The following CDH11 variants were observed in gnomAD, a reference collection of about 807,000 sequenced individuals.
CDH11 encodes cadherin-11.
A neutral mutation model predicts 67.8 loss-of-function variants in CDH11; 11 were observed. That is an observed-to-expected ratio of 0.16 (90% CI 0.10 to 0.27). CDH11 has a LOEUF of 0.27. Among genes scored for constraint, CDH11 ranks in the 10% least tolerant of loss-of-function variants. CDH11 has a pLI of 1.00. For missense variants in CDH11, 847 were observed against 1,031.2 expected (o/e 0.82, Z 2.45); for synonymous variants, 419 against 400.0 (o/e 1.05, Z -0.57).
intron 1 of CDH11, among the ~76,000 whole-genome samples, chr16:65,118,217 G>C (rs936775091): frequency 2.0e-5 from 3 of 152,130 alleles, no homozygotes; most frequent in Non-Finnish European, 4.4e-5. Context: ...TTCCAGAGTT[G>C]TACAAGGCTC....
At chr16:64,995,501 C>T (rs1305308710) in intron 4 of CDH11, among the ~76,000 whole-genome samples, 1 of 152,166 alleles carries the variant, frequency 6.6e-6, no homozygotes, top group African/African-American at 2.4e-5. Context: ...GAAAGTACTC[C>T]TTAATCAATA....
chr16:65,066,126 C>T (rs538539510), intron 1 of CDH11, among the ~76,000 whole-genome samples: 7 of 152,226 alleles, frequency 4.6e-5, no homozygotes, highest in Non-Finnish European at 1.0e-4. Flanking sequence ...CTTCTAGGAA[C>T]CCATTGCTTT....
intron 1 of CDH11, among the ~76,000 whole-genome samples, chr16:65,111,375 C>A (rs374011950): frequency 6.6e-6 from 1 of 152,172 alleles, no homozygotes; most frequent in South Asian, 2.1e-4. Flanking sequence ...GACATGGTCA[C>A]GCCTGGAAGC....
chr16:65,120,392 T>G (rs941310330), intron 1 of CDH11, among the ~76,000 whole-genome samples: 8 of 152,182 alleles, frequency 5.3e-5, no homozygotes, highest in African/African-American at 1.9e-4. Flanking sequence ...TGATCCGTCC[T>G]CTAGCCAGAT....
intron 2 of CDH11, among the ~76,000 whole-genome samples, chr16:65,047,004 G>A (rs2073972703): frequency 6.6e-6 from 1 of 152,044 alleles, no homozygotes; most frequent in South Asian, 2.1e-4. Flanking sequence ...AGTTACTCTG[G>A]GACTGAGGCT....
chr16:65,013,634 C>T (rs534041509), intron 2 of CDH11, among the ~76,000 whole-genome samples: 18 of 152,078 alleles, frequency 1.2e-4, no homozygotes, highest in Non-Finnish European at 1.3e-4. Flanking sequence ...ACCAGACTGG[C>T]CAACATGGTG....
At chr16:64,950,635 C>CCTCT in intron 12 of CDH11, 132 bp downstream of exon 12, 1 of 1,097,948 alleles carries the variant, frequency 9.1e-7, no homozygotes, top group South Asian at 1.7e-5. Context: ...CCGTACCCCA[C>CCTCT]TTCTTTTCTT....
rs2071199542 is a variant in CDH11, at chr16:64,946,465, A to G, written c.*1138T>C. On this transcript the variant is annotated 3_prime_UTR_variant, in exon 13 of 13. Coordinates refer to ENST00000268603, the MANE Select transcript of CDH11 (RefSeq NM_001797.4). Reference sequence around the variant, plus strand: ...AATTACTGATATACAAGATAAATGCATACTATATAACACATATTGCAAAGT... The same window carrying G: ...AATTACTGATATACAAGATAAATGCGTACTATATAACACATATTGCAAAGT... 2.9e-6 allele frequency: 3 copies of G among 1,032,320 alleles called. No homozygotes were observed. Among genetic ancestry groups the G allele is most frequent in the South Asian group, 4.6e-5 (1 of 21,678 alleles). The allele number at this position is 1,032,320 out of a possible 1,614,324, so 63.9% of individuals were successfully genotyped here.
chr16:64,947,895 T>G lies in CDH11; in HGVS notation c.2099A>C (p.Tyr700Ser). The G allele has an allele frequency of 6.2e-7, 1 of 1,614,214 alleles. No homozygotes were observed. Among genetic ancestry groups the G allele is most frequent in the Non-Finnish European group, 8.5e-7 (1 of 1,180,026 alleles). ...GAGCCCAGGTCTAGGCATGTACTGA[T>G]ACTCAGGTTTGATGTCTTTGCGGGG... ...FIPRKDIKPE[Y>S]QYMPRPGLRP... Residue 700 changes from tyrosine to serine, a missense_variant, in exon 13 of 13, where the codon TAT (tyrosine) becomes TCT (serine). Around this residue, in one of 2 missense-constraint regions of CDH11, gnomAD observed 612 missense variants for 678.7 expected, o/e 0.90. Transcript: ENST00000268603.
At chr16:65,021,876 G>GGAAA (rs1555520091) in intron 2 of CDH11, among the ~76,000 whole-genome samples, 12 of 109,860 alleles carry the variant, frequency 1.1e-4, no homozygotes, top group Non-Finnish European at 2.0e-4. Context: ...AAGTAACTCA[G>GGAAA]AAAAAAAAAA....
At position 65,073,489 on chromosome 16, in the gene CDH11, C is replaced by T. The variant is rs374385126; in HGVS notation, c.-297-19561G>A. ...TAGAGATGGGGTTTCACCATGTTGG[C>T]CAGGCTGGTTTCAAACTCCTGGCCT... On this transcript the variant is annotated intron_variant, in intron 1 of 12. Coordinates refer to ENST00000268603, the MANE Select transcript of CDH11 (RefSeq NM_001797.4). Among the ~76,000 whole-genome samples the T allele has an allele frequency of 2.0e-5, 3 of 152,174 alleles. No homozygotes were observed. In the East Asian group the frequency reaches 5.8e-4, roughly 29 times the overall value.
At chr16:65,079,790 A>G (rs2074578579) in intron 1 of CDH11, among the ~76,000 whole-genome samples, 1 of 152,142 alleles carries the variant, frequency 6.6e-6, no homozygotes, top group Non-Finnish European at 1.5e-5. Flanking sequence ...TTCTTGTCTA[A>G]CCGGGCAAAT....
At chr16:64,950,592 C>T (rs1205694603) in intron 12 of CDH11, among the ~76,000 whole-genome samples, 175 bp downstream of exon 12, 1 of 151,974 alleles carries the variant, frequency 6.6e-6, no homozygotes. Context: ...GGCAGACATC[C>T]CCCACCTCGC....
intron 1 of CDH11, among the ~76,000 whole-genome samples, chr16:65,104,831 T>C (rs1183618932): frequency 1.3e-5 from 2 of 152,182 alleles, no homozygotes; most frequent in African/African-American, 4.8e-5. Context: ...CATTTGTTCA[T>C]TCAAAAGAAA....
At chr16:65,084,628 C>A (rs2074666366) in intron 1 of CDH11, among the ~76,000 whole-genome samples, 1 of 152,126 alleles carries the variant, frequency 6.6e-6, no homozygotes. Flanking sequence ...TTTGGGGAAG[C>A]ATCCTGAGTA....
chr16:65,031,368 A>T (rs966768078), intron 2 of CDH11, among the ~76,000 whole-genome samples: 13 of 152,208 alleles, frequency 8.5e-5, no homozygotes, highest in African/African-American at 2.7e-4. Flanking sequence ...CAGAAAATAG[A>T]TGAACGTAAA....
At chr16:64,959,278 G>T (rs1325671974) in intron 11 of CDH11, among the ~76,000 whole-genome samples, 3 of 152,184 alleles carry the variant, frequency 2.0e-5, no homozygotes, top group African/African-American at 4.8e-5. Flanking sequence ...AGCATTAAGA[G>T]ACTTTTCATT....
At chr16:65,061,589 G>T (rs1383781879) in intron 1 of CDH11, among the ~76,000 whole-genome samples, 2 of 152,068 alleles carry the variant, frequency 1.3e-5, no homozygotes, top group Non-Finnish European at 2.9e-5. Flanking sequence ...TTTCTGACTG[G>T]CATTAAATGC....
At chr16:64,973,080 C>A in intron 8 of CDH11, 40 bp from the exon 9 acceptor site, 1 of 1,594,498 alleles carries the variant, frequency 6.3e-7, no homozygotes, top group South Asian at 1.1e-5. Context: ...CCAAGACATT[C>A]AGAGCAGCTT....
Sources: allele counts gnomAD v4.1 joint callset (sites outside exome capture counted in the v4.1 genomes callset), GRCh38; gene constraint gnomAD v4.1.1; regional missense constraint gnomAD v4.1.1; transcripts MANE v1.5; gene names NCBI Gene and HGNC (gene_info 2026-07-23, HGNC 2026-07-21).